VAT1L: variants seen among roughly 807,000 people sequenced by gnomAD.
The protein encoded by VAT1L is vesicle amine transport 1 like, also known as putative NADPH-dependent quinone oxidoreductase VAT1L.
A neutral mutation model predicts 44.1 loss-of-function variants in VAT1L; 34 were observed. The ratio of observed to expected loss-of-function variants is 0.77; its 90% confidence interval spans 0.59 to 1.03. The LOEUF (loss-of-function observed/expected upper bound fraction) is 1.03, where lower values mean the gene tolerates loss of function less well. Ranked by LOEUF, VAT1L falls within the 50% of genes least tolerant of loss-of-function variation. The pLI is 0.00. For synonymous variants in VAT1L, 253 were observed against 202.2 expected, an observed-to-expected ratio of 1.25 and a Z score of -2.13; for missense variants, 615 against 538.8, an observed-to-expected ratio of 1.14 and a Z score of -1.40.
intron 7 of VAT1L, among the ~76,000 whole-genome samples, chr16:77,922,029 T>G (rs1038271583): frequency 6.6e-6 from 1 of 152,202 alleles, no homozygotes; most frequent in Non-Finnish European, 1.5e-5. Context: ...ATTACAGGCA[T>G]GAGCCACTGC....
chr16:77,935,170 A>C (rs78216827), intron 7 of VAT1L, among the ~76,000 whole-genome samples: 3 of 152,178 alleles, frequency 2.0e-5, no homozygotes, highest in Non-Finnish European at 4.4e-5. Flanking sequence ...AGCATCTCTG[A>C]AAAAAATAGT....
chr16:77,868,264 G>A (rs897720442), intron 4 of VAT1L, among the ~76,000 whole-genome samples: 1 of 152,168 alleles, frequency 6.6e-6, no homozygotes, highest in African/African-American at 2.4e-5. Flanking sequence ...AGTTGTATGG[G>A]TACATCACAA....
Position 77,804,746 on chromosome 16 carries a change from A to G in VAT1L, c.234-12175A>G, listed in dbSNP as rs187234685. On this transcript the variant is annotated intron_variant, in intron 1 of 8. Coordinates refer to ENST00000302536, the MANE Select transcript of VAT1L (RefSeq NM_020927.3). ...GTTGGCATCTTGTGCTCCTGCTACAATGAGCTTCCTTCTTGAGGCTGGAAA... is the reference window on the plus strand; with the variant it reads ...GTTGGCATCTTGTGCTCCTGCTACAGTGAGCTTCCTTCTTGAGGCTGGAAA... Among the ~76,000 whole-genome samples, 307 of 152,148 alleles carry G rather than the reference A, an allele frequency of 2.0e-3. 9 individuals are homozygous for G. Among genetic ancestry groups the G allele is most frequent in the Non-Finnish European group, 2.8e-4 (19 of 68,018 alleles).
intron 4 of VAT1L, among the ~76,000 whole-genome samples, chr16:77,866,257 A>C (rs775720463): frequency 1.3e-5 from 2 of 152,244 alleles, no homozygotes; most frequent in Non-Finnish European, 2.9e-5. Flanking sequence ...CATTGTCTGC[A>C]ATAGTGAAAA....
In VAT1L at chr16:77,816,966, C is replaced by T; in HGVS notation, c.279C>T (p.Asp93=). Residue 93 remains aspartate (D), a synonymous_variant, in exon 2 of 9, where the codon GAC becomes GAT. Transcript: ENST00000302536. ...IDLMVRQGNI[D]NPPKTPLVPG... ...TGATGGTGCGACAAGGGAATATTGA[C>T]AACCCTCCCAAGACTCCCCTGGTGC... The T allele has an allele frequency of 6.2e-7, 1 of 1,613,964 alleles. No individual in the cohort carries two copies. Among genetic ancestry groups the T allele is most frequent in the Non-Finnish European group, 8.5e-7 (1 of 1,179,924 alleles).
intron 7 of VAT1L, among the ~76,000 whole-genome samples, chr16:77,903,701 T>G (rs895192144): frequency 1.3e-5 from 2 of 151,860 alleles, no homozygotes; most frequent in African/African-American, 2.4e-5. Flanking sequence ...AATTATTAGG[T>G]TGGTGCCAAA....
intron 8 of VAT1L, among the ~76,000 whole-genome samples, chr16:77,973,187 C>T (rs2142546505): frequency 6.6e-6 from 1 of 152,338 alleles, no homozygotes; most frequent in South Asian, 2.1e-4. Context: ...GGGCAAGTTA[C>T]ATGACTACTC....
chr16:77,844,895 T>C (rs974898689), intron 3 of VAT1L, among the ~76,000 whole-genome samples: 1 of 152,086 alleles, frequency 6.6e-6, no homozygotes, highest in African/African-American at 2.4e-5. Flanking sequence ...GATGCTATCA[T>C]AGAGAATATC....
At chr16:77,808,186 C>T (rs142021211) in intron 1 of VAT1L, among the ~76,000 whole-genome samples, 171 of 152,154 alleles carry the variant, frequency 1.1e-3, no homozygotes, top group African/African-American at 3.9e-3. Context: ...GTCAGATCAG[C>T]GGCAGCATTA....
At chr16:77,841,729 G>A (rs2016707934) in intron 3 of VAT1L, among the ~76,000 whole-genome samples, 1 of 152,168 alleles carries the variant, frequency 6.6e-6, no homozygotes. Context: ...TATTTCCTCT[G>A]GAGATGATCG....
At chr16:77,910,122 A>AT (rs1297414514) in intron 7 of VAT1L, among the ~76,000 whole-genome samples, 3 of 152,234 alleles carry the variant, frequency 2.0e-5, no homozygotes, top group African/African-American at 7.2e-5. Context: ...TCATAAGGGA[A>AT]AAAGGCATCC....
chr16:77,965,207 G>A (rs1309044459), intron 7 of VAT1L, among the ~76,000 whole-genome samples: 1 of 152,144 alleles, frequency 6.6e-6, no homozygotes, highest in African/African-American at 2.4e-5. Flanking sequence ...CTTTGGTTCT[G>A]TTGAATGACT....
rs777445825 is a variant in VAT1L, at chr16:77,862,730, A to C, written c.580-18A>C. On this transcript the variant is annotated intron_variant, in intron 3 of 8. Transcript: ENST00000302536. Reference sequence around the variant, plus strand: ...GGTGGCTCCTATGTGTGACATAGCTATTGTCTTTTCCTTCCAGGGTCAAGC... The same window carrying C: ...GGTGGCTCCTATGTGTGACATAGCTCTTGTCTTTTCCTTCCAGGGTCAAGC... 6.2e-7 allele frequency: 1 copy of C among 1,610,712 alleles called. No homozygotes were observed. Among genetic ancestry groups the C allele is most frequent in the South Asian group, 1.1e-5 (1 of 90,494 alleles).
chr16:77,789,313 G>A (rs561673688), intron 1 of VAT1L, among the ~76,000 whole-genome samples: 1 of 152,278 alleles, frequency 6.6e-6, no homozygotes, highest in Admixed American at 6.5e-5. Context: ...GCCGCCGTTG[G>A]TAGTTTTACA....
intron 4 of VAT1L, among the ~76,000 whole-genome samples, chr16:77,874,010 C>T (rs527407823): frequency 6.7e-6 from 1 of 149,020 alleles, no homozygotes; most frequent in South Asian, 2.1e-4. Context: ...GACAGAGCAA[C>T]AGGTCAAGGT....
At chr16:77,820,201 C>T (rs565797550) in intron 2 of VAT1L, among the ~76,000 whole-genome samples, 36 of 152,222 alleles carry the variant, frequency 2.4e-4, no homozygotes, top group African/African-American at 7.5e-4. Context: ...GGTAGACTCC[C>T]GCACCTGGTC....
At chr16:77,817,143 A>G (rs1255459595) in intron 2 of VAT1L, 93 bp downstream of exon 2, 4 of 1,501,984 alleles carry the variant, frequency 2.7e-6, no homozygotes, top group Admixed American at 2.1e-5. Flanking sequence ...GAAATAACCT[A>G]TGGCGTGCAT....
At chr16:77,819,687 G>A (rs932534388) in intron 2 of VAT1L, among the ~76,000 whole-genome samples, 17 of 152,164 alleles carry the variant, frequency 1.1e-4, no homozygotes, top group African/African-American at 2.9e-4. Flanking sequence ...CCAGCCTGAA[G>A]ATGATATTCT....
At chr16:77,875,938 C>G (rs1373570081) in intron 4 of VAT1L, among the ~76,000 whole-genome samples, 2 of 150,834 alleles carry the variant, frequency 1.3e-5, no homozygotes, top group African/African-American at 4.9e-5. Context: ...TGAACAGAAC[C>G]AGGCAACTAA....
Sources: allele counts gnomAD v4.1 joint callset (sites outside exome capture counted in the v4.1 genomes callset), GRCh38; gene constraint gnomAD v4.1.1; transcripts MANE v1.5; gene names NCBI Gene and HGNC (gene_info 2026-07-23, HGNC 2026-07-21).